SMG7: variants seen among roughly 807,000 people sequenced by gnomAD.
The protein encoded by SMG7 is nonsense-mediated mRNA decay factor SMG7.
In SMG7, 34 loss-of-function variants were observed where a neutral mutation model predicts 148.2. That is an observed-to-expected ratio of 0.23 (90% CI 0.17 to 0.31). The LOEUF (loss-of-function observed/expected upper bound fraction) is 0.31. Ranked by LOEUF, SMG7 falls within the 10% of genes least tolerant of loss-of-function variation. SMG7 has a pLI of 1.00. For synonymous variants in SMG7, 492 were observed against 515.1 expected (o/e 0.96, Z 0.61); for missense variants, 1,114 against 1,408.4 (o/e 0.79, Z 3.35).
chr1:183,497,170 T>C (rs12035803), intron 1 of SMG7, among the ~76,000 whole-genome samples: 13,878 of 152,280 alleles, frequency 0.091, 756 homozygotes, highest in Admixed American at 0.15. Context: ...AAAATTTTGC[T>C]TGGTGGTTTC....
Position 183,477,957 on chromosome 1 carries a change from T to G in SMG7, c.29+5308T>G, listed in dbSNP as rs181171579. On this transcript the variant is annotated intron_variant, in intron 1 of 22. Coordinates refer to ENST00000688051, the MANE Select transcript of SMG7 (RefSeq NM_001375584.1). ...TTTTCTAAGCCAGCAGAAAAATGGT[T>G]GTCATTTAAATAGGAAGTAAAATAT... Among the ~76,000 whole-genome samples, 6 of 152,268 alleles carry G rather than the reference T, an allele frequency of 3.9e-5. No individual in the cohort carries two copies. The East Asian group carries it at 1.2e-3, about 29-fold the overall frequency.
At chr1:183,480,808 C>T (rs1653911646) in intron 1 of SMG7, among the ~76,000 whole-genome samples, 1 of 152,140 alleles carries the variant, frequency 6.6e-6, no homozygotes, top group Admixed American at 6.5e-5. Flanking sequence ...CCTACTGTTA[C>T]CTTACCTGCA....
At chr1:183,549,099 C>T in intron 18 of SMG7, 109 bp from the exon 19 acceptor site, 1 of 750,522 alleles carries the variant, frequency 1.3e-6, no homozygotes, top group Non-Finnish European at 2.2e-6. Flanking sequence ...AAATTGTACT[C>T]AGTGGGCGAA....
chr1:183,540,657 T>C (rs1000175622), intron 12 of SMG7, among the ~76,000 whole-genome samples: 1 of 152,188 alleles, frequency 6.6e-6, no homozygotes, highest in Non-Finnish European at 1.5e-5. Context: ...GCAAGATAAA[T>C]GTTTATAAAA....
At chr1:183,528,252 A>G (rs1666248207) in intron 6 of SMG7, among the ~76,000 whole-genome samples, 1 of 152,132 alleles carries the variant, frequency 6.6e-6, no homozygotes, top group South Asian at 2.1e-4. Flanking sequence ...TATTATTGTC[A>G]GTAAAGCAAT....
chr1:183,487,776 G>T (rs928299814), intron 1 of SMG7, among the ~76,000 whole-genome samples: 1 of 152,224 alleles, frequency 6.6e-6, no homozygotes, highest in Admixed American at 6.5e-5. Flanking sequence ...CCTGAATTAT[G>T]TGTCTGTACA....
At chr1:183,541,194 T>C in intron 13 of SMG7, 91 bp downstream of exon 13, 2 of 1,121,946 alleles carry the variant, frequency 1.8e-6, no homozygotes, top group South Asian at 2.8e-5. Context: ...ACACATCTCA[T>C]ATGTTACGTA....
chr1:183,535,838 A>G (rs994848739), intron 10 of SMG7, among the ~76,000 whole-genome samples: 1 of 152,120 alleles, frequency 6.6e-6, no homozygotes, highest in Non-Finnish European at 1.5e-5. Context: ...GCATGAAGAC[A>G]TTGTACAGTA....
rs1242728264 is a variant in SMG7, at chr1:183,541,174, GCGCACACACACA to G, written c.1415+73_1415+84del. On this transcript the variant is annotated intron_variant, in intron 13 of 22. Coordinates refer to ENST00000688051, the MANE Select transcript of SMG7 (RefSeq NM_001375584.1). ...GATAAACACATGCGCGCACACGCGC[GCGCACACACACA>G]CATCTCATATGTTACGTATTTTAGG... 4.5e-6 allele frequency: 6 copies of G among 1,325,718 alleles called. No individual in the cohort carries two copies. The Admixed American group carries it at 7.6e-5, about 17-fold the overall frequency. 82.1% of individuals were successfully genotyped at this position (1,325,718 alleles called of 1,614,324 possible). A position where few individuals can be genotyped will look rare whatever the true frequency, so the allele number is the denominator to read the frequency against.
At chr1:183,472,881 G>A (rs950076775) in intron 1 of SMG7, 20 of 402,794 alleles carry the variant, frequency 5.0e-5, no homozygotes, top group Non-Finnish European at 7.8e-5. Flanking sequence ...CCCGGTGCGA[G>A]GAGGGAGGTT....
chr1:183,496,206 T>C (rs1658446848), intron 1 of SMG7, among the ~76,000 whole-genome samples: 1 of 152,314 alleles, frequency 6.6e-6, no homozygotes, highest in East Asian at 1.9e-4. Context: ...CAATAATTAT[T>C]AGTTATCTTT....
Position 183,529,410 on chromosome 1 carries a change from G to T in SMG7, c.720G>T (p.Val240=), listed in dbSNP as rs751207804. The change falls in exon 8 of 23, where the codon GTG becomes GTT. Residue 240 remains valine (V), a synonymous_variant. Coordinates refer to ENST00000688051, the MANE Select transcript of SMG7 (RefSeq NM_001375584.1). The part of the protein sequence containing the change: ...LSKALESRDE[V]KTKWGVSDFI... ...TCTTTCATTTCAGCCGAGATGAGGT[G>T]AAAACCAAGTGGGGTGTTTCTGACT... The T allele has an allele frequency of 3.7e-6, 6 of 1,612,506 alleles. No homozygotes were observed. In the African/African-American group the frequency reaches 6.7e-5, roughly 18 times the overall value.
chr1:183,542,367 G>A lies in SMG7; in HGVS notation c.1707G>A (p.Val569=), dbSNP rs1258808924. The A allele has an allele frequency of 1.2e-6, 2 of 1,613,936 alleles. No homozygotes were observed. Among genetic ancestry groups the A allele is most frequent in the African/African-American group, 2.7e-5 (2 of 74,916 alleles). Residue 569 remains valine, a synonymous_variant, in exon 14 of 23, where the codon GTG becomes GTA. Coordinates refer to ENST00000688051, the MANE Select transcript of SMG7 (RefSeq NM_001375584.1). ...GAAGAAGTTTTCCTCCCAAAGAGGT[G>A]AGAAGGGACTATAGCAAAGGAATAA... ...DQGRSFPPKE[V]RRDYSKGITV... is the part of the protein sequence containing the mutation.
chr1:183,500,537 G>T (rs959686385), intron 1 of SMG7, among the ~76,000 whole-genome samples: 4 of 152,198 alleles, frequency 2.6e-5, no homozygotes, highest in Non-Finnish European at 5.9e-5. Flanking sequence ...TGTGCACTAT[G>T]TGAGGCACTA....
chr1:183,476,855 T>C (rs533980462), intron 1 of SMG7, among the ~76,000 whole-genome samples: 1 of 152,176 alleles, frequency 6.6e-6, no homozygotes. Context: ...GTATTTTCTC[T>C]TTTGATTTAT....
chr1:183,527,224 A>G lies in SMG7; in HGVS notation c.484+457A>G. ...TTTAATTTGTATTTCTATTATTTGC[A>G]TTTTATCTGGGAATATTATATAACT... On this transcript the variant is annotated intron_variant, in intron 5 of 22. Transcript: ENST00000688051. This position sits in a 1 kb window ranked among gnomAD's most constrained non-coding sequence, Gnocchi z 4.0. Among the ~76,000 whole-genome samples the G allele has an allele frequency of 6.6e-6, 1 of 152,212 alleles. No homozygotes were observed. Among genetic ancestry groups the G allele is most frequent in the Non-Finnish European group, 1.5e-5 (1 of 67,998 alleles).
intron 4 of SMG7, among the ~76,000 whole-genome samples, chr1:183,524,161 G>A (rs995823207): frequency 3.3e-5 from 5 of 151,678 alleles, no homozygotes; most frequent in East Asian, 1.9e-4. Flanking sequence ...AGCTCACTGC[G>A]GCCTGGAACT....
chr1:183,503,866 T>G (rs1014104544), intron 1 of SMG7, among the ~76,000 whole-genome samples: 1 of 152,222 alleles, frequency 6.6e-6, no homozygotes, highest in African/African-American at 2.4e-5. Flanking sequence ...AGCTCCAAGA[T>G]AGCATTACTA....
chr1:183,509,051 A>G (rs1661581369), intron 1 of SMG7, among the ~76,000 whole-genome samples: 1 of 152,104 alleles, frequency 6.6e-6, no homozygotes. Flanking sequence ...CAGATAGTAA[A>G]TATTTTAGGG....
Sources: allele counts gnomAD v4.1 joint callset (sites outside exome capture counted in the v4.1 genomes callset), GRCh38; gene constraint gnomAD v4.1.1; non-coding constraint Gnocchi (gnomAD v3.1); transcripts MANE v1.5; gene names NCBI Gene and HGNC (gene_info 2026-07-23, HGNC 2026-07-21).